CUL1: variants seen among roughly 807,000 people sequenced by gnomAD.
CUL1 encodes cullin 1.
Under a neutral mutation model 118.0 loss-of-function variants are expected in CUL1, and 24 were observed. That is an observed-to-expected ratio of 0.20 (90% CI 0.15 to 0.29). The LOEUF (loss-of-function observed/expected upper bound fraction) is 0.29. CUL1 is among the 10% of genes least tolerant of loss of function. The pLI, the probability that CUL1 is intolerant of heterozygous loss-of-function variation, is 1.00. For missense variants in CUL1, 361 were observed against 933.8 expected (o/e 0.39, Z 7.99); for synonymous variants, 332 against 340.4 (o/e 0.98, Z 0.27).
chr7:148,720,413 G>C (rs772400796), intron 1 of CUL1, among the ~76,000 whole-genome samples: 1 of 152,142 alleles, frequency 6.6e-6, no homozygotes, highest in African/African-American at 2.4e-5. Context: ...TTCATCAGGG[G>C]TAAGAATAGA....
intron 9 of CUL1, among the ~76,000 whole-genome samples, chr7:148,782,871 G>T (rs979712388): frequency 6.6e-6 from 1 of 152,192 alleles, no homozygotes; most frequent in African/African-American, 2.4e-5. Context: ...GTGCTTGGCT[G>T]GGGGTGACCC....
intron 16 of CUL1, among the ~76,000 whole-genome samples, chr7:148,792,310 T>G (rs1221211989): frequency 6.6e-6 from 1 of 152,242 alleles, no homozygotes; most frequent in Non-Finnish European, 1.5e-5. Context: ...TGTGTTGTTT[T>G]ACATCAATAA....
chr7:148,769,288 C>T (rs1366491126), intron 9 of CUL1, among the ~76,000 whole-genome samples: 1 of 151,984 alleles, frequency 6.6e-6, no homozygotes, highest in African/African-American at 2.4e-5. Flanking sequence ...GACTGCTGCA[C>T]GTTCTTATGA....
chr7:148,707,375 T>C (rs1797917026), intron 1 of CUL1, among the ~76,000 whole-genome samples: 1 of 152,194 alleles, frequency 6.6e-6, no homozygotes, highest in African/African-American at 2.4e-5. Context: ...GTTTAAATCC[T>C]AAATACTATC....
upstream of CUL1, chr7:148,698,893 A>G: frequency 6.5e-6 from 1 of 154,728 alleles, no homozygotes; most frequent in Non-Finnish European, 1.4e-5. Flanking sequence ...GCCGTGTCGC[A>G]CGCAGCTCCA....
At chr7:148,773,134 C>T (rs1199483627) in intron 9 of CUL1, among the ~76,000 whole-genome samples, 2 of 152,166 alleles carry the variant, frequency 1.3e-5, no homozygotes, top group Non-Finnish European at 2.9e-5. Context: ...TAATTTTACT[C>T]TGTGTTCTTT....
chr7:148,791,375 T>A (rs1486514456), intron 16 of CUL1, among the ~76,000 whole-genome samples: 1 of 152,250 alleles, frequency 6.6e-6, no homozygotes, highest in Non-Finnish European at 1.5e-5. Context: ...TTTTCGTAAA[T>A]CTACTGTGAC....
chr7:148,766,564 G>A lies in CUL1; in HGVS notation c.793G>A (p.Glu265Lys). 1 of 1,598,746 alleles carries A rather than the reference G, an allele frequency of 6.3e-7. No individual in the cohort carries two copies. Among genetic ancestry groups the A allele is most frequent in the African/African-American group, 1.3e-5 (1 of 74,134 alleles). Reference protein sequence around the residue: ...NPVTEYMKKAEARLLEEQRRV... With the variant: ...NPVTEYMKKAKARLLEEQRRV... ...CACTTGAATTAATTTTCTCCAGGCAGAGGCTCGTCTGCTTGAGGAACAACG... is the reference window on the plus strand; with the variant it reads ...CACTTGAATTAATTTTCTCCAGGCAAAGGCTCGTCTGCTTGAGGAACAACG... Residue 265 changes from glutamate to lysine, a missense_variant, in exon 8 of 22, where the codon GAG (glutamate) becomes AAG (lysine). By Grantham distance (56) the Glu-to-Lys change is moderately conservative (BLOSUM62 1). Transcript: ENST00000325222.
chr7:148,750,837 G>A (rs535810212), intron 2 of CUL1, among the ~76,000 whole-genome samples: 15 of 152,074 alleles, frequency 9.9e-5, no homozygotes, highest in Non-Finnish European at 2.2e-4. Context: ...CCAATGTGGT[G>A]ACCCGTGCCT....
intron 7 of CUL1, among the ~76,000 whole-genome samples, chr7:148,764,628 T>A (rs987460709): frequency 6.6e-6 from 1 of 152,228 alleles, no homozygotes; most frequent in Admixed American, 6.5e-5. Context: ...GAAAGAGTTA[T>A]AACTTAAAAC....
intron 2 of CUL1, among the ~76,000 whole-genome samples, chr7:148,743,801 G>A (rs1377643692): frequency 6.6e-6 from 1 of 152,112 alleles, no homozygotes; most frequent in East Asian, 1.9e-4. Flanking sequence ...GGTGGTGGGC[G>A]CCTGTAGTTA....
Position 148,730,119 on chromosome 7 carries a change from C to T in CUL1, c.-4C>T, listed in dbSNP as rs781634734. On this transcript the variant is annotated 5_prime_UTR_variant, in exon 2 of 22. Transcript: ENST00000325222. ...CACTGGACGACTTTAGAACATCCCT[C>T]ACAATGTCGTCAACCCGGAGCCAGA... 1.2e-6 allele frequency: 2 copies of T among 1,612,140 alleles called. No homozygotes were observed. Among genetic ancestry groups the T allele is most frequent in the South Asian group, 2.2e-5 (2 of 90,690 alleles).
chr7:148,714,552 G>A (rs1288400243), intron 1 of CUL1, among the ~76,000 whole-genome samples: 1 of 152,106 alleles, frequency 6.6e-6, no homozygotes, highest in African/African-American at 2.4e-5. Flanking sequence ...ATTAGAATTG[G>A]CCTTATAGAA....
chr7:148,768,067 A>G lies in CUL1; in HGVS notation c.1083+318A>G, dbSNP rs148156938. Among the ~76,000 whole-genome samples the G allele has an allele frequency of 4.5e-3, 685 of 152,166 alleles. 9 individuals carry two copies. Among genetic ancestry groups the G allele is most frequent in the African/African-American group, 0.015 (635 of 41,498 alleles). On this transcript the variant is annotated intron_variant, in intron 9 of 21. Transcript: ENST00000325222. ...AAACAAAAGGCTCCTGGAAGCTGTT[A>G]CTTTGCCACTCACAGTCCACAGGTT...
At chr7:148,772,580 A>G (rs948741237) in intron 9 of CUL1, among the ~76,000 whole-genome samples, 2 of 152,232 alleles carry the variant, frequency 1.3e-5, no homozygotes, top group African/African-American at 4.8e-5. Flanking sequence ...TCATTTCTTT[A>G]GCAAGCATTT....
intron 1 of CUL1, among the ~76,000 whole-genome samples, chr7:148,721,378 T>C (rs540629514): frequency 1.5e-4 from 23 of 152,174 alleles, no homozygotes; most frequent in Non-Finnish European, 2.8e-4. Flanking sequence ...TTTTTACTTA[T>C]GCTATATAGG....
chr7:148,779,897 A>T (rs147112440), intron 9 of CUL1, among the ~76,000 whole-genome samples: 36 of 152,272 alleles, frequency 2.4e-4, no homozygotes, highest in Non-Finnish European at 4.4e-4. Context: ...ATCAGCTGCC[A>T]GCGAATATAA....
At chr7:148,731,856 G>A (rs2129459641) in intron 2 of CUL1, among the ~76,000 whole-genome samples, 1 of 152,312 alleles carries the variant, frequency 6.6e-6, no homozygotes, top group Admixed American at 6.5e-5. Context: ...GTATCACTGT[G>A]TACGTCATTC....
Position 148,798,566 on chromosome 7 carries a change from T to G in CUL1, c.2031-6T>G. The G allele has an allele frequency of 1.2e-6, 2 of 1,605,602 alleles. No homozygotes were observed. Among genetic ancestry groups the G allele is most frequent in the Non-Finnish European group, 1.7e-6 (2 of 1,172,228 alleles). On this transcript the variant is annotated splice_region_variant and splice_polypyrimidine_tract_variant and intron_variant, in intron 19 of 21. Coordinates refer to ENST00000325222, the MANE Select transcript of CUL1 (RefSeq NM_003592.3). ...TAGTGATCGGTTTCCTCATTTTTCT[T>G]GATAGTAAGAAATTAAGGGTTAACA...
Sources: gnomAD v4.1 joint callset for allele counts (sites outside exome capture counted in the v4.1 genomes callset) on GRCh38, gnomAD v4.1.1 for gene constraint, MANE v1.5 for transcripts, NCBI Gene and HGNC (gene_info 2026-07-23, HGNC 2026-07-21) for gene names.